Variants in LOC400499 observed in about 807,000 individuals in gnomAD.
the LOC400499 span, among the ~76,000 whole-genome samples, chr16:11,495,066 G>A: frequency 1.3e-5 from 2 of 152,038 alleles, no homozygotes; most frequent in African/African-American, 2.4e-5. Flanking sequence ...AAAATTAGCC[G>A]AGCATGGTGG....
At chr16:11,448,163 C>A in the LOC400499 span, 1 of 1,419,908 alleles carries the variant, frequency 7.0e-7, no homozygotes, top group Non-Finnish European at 9.3e-7. Context: ...TAGCCCCCCA[C>A]AACCTGCCCA....
the LOC400499 span, chr16:11,414,646 AGCGTGG>A: frequency 1.5e-4 from 61 of 398,130 alleles, no homozygotes; most frequent in Non-Finnish European, 2.4e-4. Flanking sequence ...AGGCTGCCAC[AGCGTGG>A]GTGCTGGGTG....
At chr16:11,379,242 C>A in the LOC400499 span, among the ~76,000 whole-genome samples, 1 of 152,070 alleles carries the variant, frequency 6.6e-6, no homozygotes, top group African/African-American at 2.4e-5. Flanking sequence ...AGTGAGATTC[C>A]ATCTCAAAAA....
At chr16:11,383,936 A>G in the LOC400499 span, 135 of 1,231,952 alleles carry the variant, frequency 1.1e-4, no homozygotes, top group African/African-American at 1.8e-3. Context: ...AAGAAGGCCC[A>G]GCAGGCGGGG....
the LOC400499 span, chr16:11,391,657 C>G: frequency 1.6e-6 from 2 of 1,232,110 alleles, no homozygotes; most frequent in Non-Finnish European, 2.0e-6. Flanking sequence ...CTCCCCCTCC[C>G]ACACTTACAT....
At chr16:11,457,981 C>T in the LOC400499 span, among the ~76,000 whole-genome samples, 1 of 152,342 alleles carries the variant, frequency 6.6e-6, no homozygotes, top group Admixed American at 6.5e-5. Flanking sequence ...GCAGGTGGAT[C>T]ACCTGGGTTC....
chr16:11,390,171 G>T, the LOC400499 span: 1 of 1,232,408 alleles, frequency 8.1e-7, no homozygotes, highest in Non-Finnish European at 1.0e-6. Flanking sequence ...TGAGAACGTG[G>T]CCTCAGCCCA....
At chr16:11,438,212 T>C in the LOC400499 span, among the ~76,000 whole-genome samples, 3 of 152,214 alleles carry the variant, frequency 2.0e-5, no homozygotes, top group Admixed American at 6.5e-5. Flanking sequence ...CTGGAACAAA[T>C]GGTTAATATG....
chr16:11,459,180 C>T, the LOC400499 span, among the ~76,000 whole-genome samples: 399 of 149,680 alleles, frequency 2.7e-3, 3 homozygotes, highest in African/African-American at 9.3e-3. Flanking sequence ...AAAAAATATC[C>T]TAAACCAATT....
the LOC400499 span, among the ~76,000 whole-genome samples, chr16:11,489,278 A>C: frequency 1.3e-5 from 2 of 152,160 alleles, no homozygotes; most frequent in Admixed American, 1.3e-4. Context: ...ACCATGTACC[A>C]CTGTGGCCTG....
At chr16:11,399,436 G>A in the LOC400499 span, 2 of 413,422 alleles carry the variant, frequency 4.8e-6, no homozygotes, top group Non-Finnish European at 8.3e-6. Flanking sequence ...AGCCGCCTGG[G>A]GGTTCCCTGC....
the LOC400499 span, among the ~76,000 whole-genome samples, chr16:11,453,358 C>T: frequency 2.0e-5 from 3 of 151,946 alleles, no homozygotes; most frequent in Non-Finnish European, 4.4e-5. Context: ...TTTGAGCAGC[C>T]GACTCAAGCA....
chr16:11,487,517 G>A, the LOC400499 span: 15 of 371,426 alleles, frequency 4.0e-5, no homozygotes, highest in African/African-American at 3.4e-4. Flanking sequence ...TGGCCAGGAT[G>A]GGAAACAGCC....
chr16:11,517,322 T>C, the LOC400499 span, among the ~76,000 whole-genome samples: 5 of 152,184 alleles, frequency 3.3e-5, no homozygotes, highest in Admixed American at 2.6e-4. Context: ...CTTCACTCTT[T>C]CATTCCACGA....
chr16:11,491,506 T>A, the LOC400499 span, among the ~76,000 whole-genome samples: 1 of 152,134 alleles, frequency 6.6e-6, no homozygotes, highest in Non-Finnish European at 1.5e-5. Context: ...GGGACTGGAA[T>A]TGCCATGTGG....
the LOC400499 span, among the ~76,000 whole-genome samples, chr16:11,502,777 G>T: frequency 7.2e-5 from 11 of 151,824 alleles, no homozygotes; most frequent in African/African-American, 2.7e-4. Context: ...ACCACGTCTG[G>T]CTTATTTTTT....
At chr16:11,500,952 G>A in the LOC400499 span, 2 of 399,082 alleles carry the variant, frequency 5.0e-6, no homozygotes, top group Non-Finnish European at 8.8e-6. Flanking sequence ...GGAAGGCAGG[G>A]CATCCAACAG....
chr16:11,457,273 G>A, the LOC400499 span: 1 of 497,966 alleles, frequency 2.0e-6, no homozygotes, highest in South Asian at 2.8e-5. Flanking sequence ...CAGCTACTGT[G>A]GAAAACAGTG....
At chr16:11,487,304 G>A in the LOC400499 span, 1 of 399,164 alleles carries the variant, frequency 2.5e-6, no homozygotes, top group East Asian at 3.6e-5. Context: ...GGATGGTCAG[G>A]TTGACTGTGG....
Sources: allele counts gnomAD v4.1 joint callset (sites outside exome capture counted in the v4.1 genomes callset), GRCh38; gene constraint gnomAD v4.1.1; transcripts MANE v1.5.